WWOX: variants seen among roughly 807,000 people sequenced by gnomAD.
WWOX encodes WW domain containing oxidoreductase.
In WWOX, 69 loss-of-function variants were observed where a neutral mutation model predicts 46.2. The ratio of observed to expected loss-of-function variants is 1.49; its 90% CI spans 1.23 to 1.82. WWOX has a LOEUF of 1.82. Ranked by LOEUF, WWOX falls within the 40% of genes most tolerant of loss-of-function variation. The probability of loss-of-function intolerance (pLI) is 0.00; values close to 1 mark genes in which losing one functional copy is unlikely to be tolerated. For missense variants in WWOX, 919 were observed against 542.6 expected (o/e 1.69, Z -6.89); for synonymous variants, 359 against 202.6 (o/e 1.77, Z -6.56).
In WWOX at chr16:78,419,018, T is replaced by G. The variant is rs963246123; in HGVS notation, c.606-5852T>G. 2.6e-5 allele frequency among the ~76,000 whole-genome samples: 4 copies of G among 152,278 alleles called. No individual in the cohort carries two copies. The South Asian group carries it at 6.2e-4, about 24-fold the overall frequency. On this transcript the variant is annotated intron_variant, in intron 6 of 8. Transcript: ENST00000566780. ...TGAAAAGAAGTAAAACTATCTTTAT[T>G]TGCAAATGAAATCACCTTATCTGTA...
intron 5 of WWOX, among the ~76,000 whole-genome samples, chr16:78,357,769 C>G (rs776497210): frequency 6.6e-6 from 1 of 152,204 alleles, no homozygotes; most frequent in Non-Finnish European, 1.5e-5. Flanking sequence ...GCTTGCTGCA[C>G]TCTTGCTGGG....
chr16:79,126,137 A>G (rs1182452029), intron 8 of WWOX, among the ~76,000 whole-genome samples: 1 of 151,968 alleles, frequency 6.6e-6, no homozygotes, highest in Non-Finnish European at 1.5e-5. Context: ...CAGCTTGGGG[A>G]TGGAGGTGAG....
intron 8 of WWOX, among the ~76,000 whole-genome samples, chr16:78,777,713 C>G (rs759808640): frequency 2.0e-5 from 3 of 152,098 alleles, no homozygotes; most frequent in Non-Finnish European, 4.4e-5. Flanking sequence ...TTATAAGTAC[C>G]TATTATGTGC....
chr16:78,559,067 C>T (rs533272315), intron 8 of WWOX, among the ~76,000 whole-genome samples: 1 of 152,194 alleles, frequency 6.6e-6, no homozygotes, highest in Non-Finnish European at 1.5e-5. Context: ...ACACATAGTT[C>T]CGTCTGGCTT....
At chr16:78,748,951 C>T (rs1435041704) in intron 8 of WWOX, among the ~76,000 whole-genome samples, 2 of 152,140 alleles carry the variant, frequency 1.3e-5, no homozygotes, top group Non-Finnish European at 2.9e-5. Flanking sequence ...ATCTTTATGC[C>T]CGTAGGGCCG....
chr16:78,685,084 C>A (rs955390976), intron 8 of WWOX, among the ~76,000 whole-genome samples: 1 of 152,140 alleles, frequency 6.6e-6, no homozygotes, highest in African/African-American at 2.4e-5. Flanking sequence ...CCTCTGAGAT[C>A]TTGCTTTTCA....
At chr16:78,504,087 A>T (rs1314673049) in intron 8 of WWOX, among the ~76,000 whole-genome samples, 8 of 152,196 alleles carry the variant, frequency 5.3e-5, no homozygotes, top group Non-Finnish European at 1.2e-4. Context: ...GATTTCTTTT[A>T]TGATTAATTC....
In WWOX at chr16:78,754,394, G is replaced by A. The variant is rs535072809; in HGVS notation, c.1056+321642G>A. ...TTATTGAACTGGTGAATGAATGAAT[G>A]ACTAGGTCATTATGAATTTGTAGAT... is the stretch of plus-strand genomic sequence containing the variant. On this transcript the variant is annotated intron_variant, in intron 8 of 8. Coordinates refer to ENST00000566780, the MANE Select transcript of WWOX (RefSeq NM_016373.4). Among the ~76,000 whole-genome samples, 5 of 152,296 alleles carry A rather than the reference G, an allele frequency of 3.3e-5. No homozygotes were observed. The South Asian group carries it at 1.0e-3, about 32-fold the overall frequency.
At chr16:78,785,034 T>G (rs1374470872) in intron 8 of WWOX, among the ~76,000 whole-genome samples, 1 of 152,130 alleles carries the variant, frequency 6.6e-6, no homozygotes, top group African/African-American at 2.4e-5. Context: ...CAACAGCAGT[T>G]ATAGCCAAGG....
At chr16:78,858,054 C>A (rs531819829) in intron 8 of WWOX, among the ~76,000 whole-genome samples, 1 of 151,688 alleles carries the variant, frequency 6.6e-6, no homozygotes. Flanking sequence ...ATTTGAGTTA[C>A]AGTTTTTCCA....
intron 4 of WWOX, among the ~76,000 whole-genome samples, chr16:78,146,296 G>A (rs1236035870): frequency 6.6e-6 from 1 of 152,094 alleles, no homozygotes; most frequent in Non-Finnish European, 1.5e-5. Context: ...CCAACTCAGA[G>A]CTCTTTCTCT....
chr16:78,419,253 T>C (rs2082868737), intron 6 of WWOX, among the ~76,000 whole-genome samples: 1 of 152,138 alleles, frequency 6.6e-6, no homozygotes, highest in Non-Finnish European at 1.5e-5. Context: ...TCTATTAAAA[T>C]TTCAGTTGAC....
intron 8 of WWOX, among the ~76,000 whole-genome samples, chr16:79,199,343 G>A (rs2051302054): frequency 6.6e-6 from 1 of 152,168 alleles, no homozygotes; most frequent in African/African-American, 2.4e-5. Flanking sequence ...GATCACAGGT[G>A]TGAGCCATGG....
intron 8 of WWOX, among the ~76,000 whole-genome samples, chr16:78,889,830 A>G (rs909411850): frequency 3.3e-5 from 5 of 152,218 alleles, no homozygotes; most frequent in African/African-American, 1.2e-4. Flanking sequence ...CATCTTCAGA[A>G]CAAGGGTTAC....
intron 8 of WWOX, among the ~76,000 whole-genome samples, chr16:78,450,924 T>G (rs1195782412): frequency 6.6e-6 from 1 of 152,196 alleles, no homozygotes. Flanking sequence ...TTCTTCTGCT[T>G]TTTGTCCTTC....
chr16:78,721,042 G>C (rs1052611319), intron 8 of WWOX, among the ~76,000 whole-genome samples: 1 of 152,028 alleles, frequency 6.6e-6, no homozygotes, highest in Non-Finnish European at 1.5e-5. Flanking sequence ...ATTCTTATTA[G>C]TCTATAAGAT....
At chr16:78,589,314 G>C (rs967202690) in intron 8 of WWOX, among the ~76,000 whole-genome samples, 1 of 152,210 alleles carries the variant, frequency 6.6e-6, no homozygotes, top group Non-Finnish European at 1.5e-5. Context: ...TTCTGTATTA[G>C]TCCTCCTTGA....
chr16:78,767,282 T>C (rs1400026896), intron 8 of WWOX, among the ~76,000 whole-genome samples: 1 of 151,970 alleles, frequency 6.6e-6, no homozygotes, highest in East Asian at 1.9e-4. Flanking sequence ...GCCTGGCTTT[T>C]TAAATTTATT....
chr16:78,764,645 A>T (rs904524509), intron 8 of WWOX, among the ~76,000 whole-genome samples: 1 of 147,768 alleles, frequency 6.8e-6, no homozygotes, highest in Non-Finnish European at 1.5e-5. Context: ...GCTTTCCAAC[A>T]TTACCTTTGA....
Sources: allele counts gnomAD v4.1 joint callset (sites outside exome capture counted in the v4.1 genomes callset), GRCh38; gene constraint gnomAD v4.1.1; transcripts MANE v1.5; gene names NCBI Gene and HGNC (gene_info 2026-07-23, HGNC 2026-07-21).